The following B3GLCT variants were observed in gnomAD, a reference collection of about 807,000 sequenced individuals.
B3GLCT encodes the protein beta-1,3-glucosyltransferase.
A neutral mutation model predicts 63.4 loss-of-function variants in B3GLCT; 65 were observed. The observed-to-expected ratio is 1.03, with a 90% CI of 0.84 to 1.26. The LOEUF (loss-of-function observed/expected upper bound fraction) is 1.26. Among genes scored for constraint, B3GLCT ranks in the 50% most tolerant of loss-of-function variants. The pLI is 0.00. For missense variants in B3GLCT, 577 were observed against 604.8 expected, an observed-to-expected ratio of 0.95 and a Z score of 0.48; for synonymous variants, 233 against 219.2, an observed-to-expected ratio of 1.06 and a Z score of -0.55.
At chr13:31,288,803 G>A (rs1161278795) in intron 12 of B3GLCT, among the ~76,000 whole-genome samples, 1 of 151,990 alleles carries the variant, frequency 6.6e-6, no homozygotes, top group Non-Finnish European at 1.5e-5. Flanking sequence ...CAGATATGCA[G>A]ATATCAATGG....
Position 31,237,738 on chromosome 13 carries a change from C to T in B3GLCT, c.270+8444C>T, listed in dbSNP as rs529070493. ...CTGTGGGAGCTGAGAAAGGGAAAAA[C>T]TAAGAGGCATAAGTTGTTGGCGTCC... On this transcript the variant is annotated intron_variant, in intron 4 of 14. Coordinates refer to ENST00000343307, the MANE Select transcript of B3GLCT (RefSeq NM_194318.4). Among the ~76,000 whole-genome samples, 11 of 152,270 alleles carry T rather than the reference C, an allele frequency of 7.2e-5. No individual in the cohort carries two copies. The East Asian group carries it at 2.1e-3, about 29-fold the overall frequency.
chr13:31,316,427 ATAT>A (rs1593317451), intron 12 of B3GLCT, among the ~76,000 whole-genome samples: 1 of 115,152 alleles, frequency 8.7e-6, no homozygotes, highest in African/African-American at 3.2e-5. Context: ...ATATATATAT[ATAT>A]AAATTTTTTT....
intron 11 of B3GLCT, among the ~76,000 whole-genome samples, chr13:31,285,473 TTG>T (rs1226296696): frequency 6.6e-6 from 1 of 152,020 alleles, no homozygotes; most frequent in African/African-American, 2.4e-5. Context: ...TTTTAAAAAA[TTG>T]TGTCAAAAAA....
rs548799243 is a variant in B3GLCT, at chr13:31,325,978, T to C, written c.1329+2083T>C. Reference sequence around the variant, plus strand: ...AGGGAAAATCTAGTATTTCCCTTTGTTGAAAGCACAGCACCTAGAGCATAT... The same window carrying C: ...AGGGAAAATCTAGTATTTCCCTTTGCTGAAAGCACAGCACCTAGAGCATAT... On this transcript the variant is annotated intron_variant, in intron 14 of 14. Transcript: ENST00000343307. 6.6e-4 allele frequency among the ~76,000 whole-genome samples: 101 copies of C among 152,328 alleles called. 1 individual carries two copies. The highest frequency in any genetic ancestry group is 2.3e-3 in the African/African-American group (94 of 41,580).
intron 12 of B3GLCT, among the ~76,000 whole-genome samples, chr13:31,313,247 A>G (rs1420443663): frequency 3.3e-5 from 5 of 152,208 alleles, no homozygotes; most frequent in South Asian, 4.1e-4. Flanking sequence ...TAATGTTACT[A>G]TTGCTCTGTG....
In B3GLCT at chr13:31,282,629, G is replaced by A. The variant is rs976416290; in HGVS notation, c.851-2019G>A. Among the ~76,000 whole-genome samples the A allele has an allele frequency of 1.1e-4, 15 of 136,846 alleles. No individual in the cohort carries two copies. The East Asian group carries it at 2.4e-3, about 22-fold the overall frequency. 89.8% of individuals were successfully genotyped at this position (136,846 alleles called of 152,430 possible). On this transcript the variant is annotated intron_variant, in intron 10 of 14. Transcript: ENST00000343307. ...TGCACTCCAGCCTGGGCAACAGAGCGAGAGAGTGAGACTCTGTCTCAAAAA... is the reference window on the plus strand; with the variant it reads ...TGCACTCCAGCCTGGGCAACAGAGCAAGAGAGTGAGACTCTGTCTCAAAAA...
chr13:31,259,247 C>T (rs1427753902), intron 6 of B3GLCT, among the ~76,000 whole-genome samples: 1 of 152,152 alleles, frequency 6.6e-6, no homozygotes, highest in Non-Finnish European at 1.5e-5. Context: ...CTATTTTTCA[C>T]TTTTCTTGTT....
At chr13:31,226,468 T>C (rs1870107847) in intron 3 of B3GLCT, among the ~76,000 whole-genome samples, 1 of 152,236 alleles carries the variant, frequency 6.6e-6, no homozygotes, top group Non-Finnish European at 1.5e-5. Flanking sequence ...CTCTTTAATC[T>C]TGCAAATCCT....
At chr13:31,286,931 C>T in intron 12 of B3GLCT, 112 bp downstream of exon 12, 2 of 693,520 alleles carry the variant, frequency 2.9e-6, no homozygotes, top group African/African-American at 1.8e-5. Flanking sequence ...CGGGGTTTAC[C>T]CTTCTATCTG....
chr13:31,317,476 G>A (rs1875101997), intron 12 of B3GLCT, 90 bp from the exon 13 acceptor site: 1 of 1,439,732 alleles, frequency 6.9e-7, no homozygotes, highest in Admixed American at 1.7e-5. Context: ...GTATTACACA[G>A]TATACAGAGT....
chr13:31,241,836 C>T (rs1449606887), intron 4 of B3GLCT, among the ~76,000 whole-genome samples: 1 of 152,098 alleles, frequency 6.6e-6, no homozygotes, highest in African/African-American at 2.4e-5. Flanking sequence ...GAGCTACTCT[C>T]AGCTAAGATG....
In B3GLCT at chr13:31,232,263, A is replaced by T. The variant is rs111567634; in HGVS notation, c.270+2969A>T. ...GCATCGCTATAAAGAAATATCTGAG[A>T]CTGGGTCATTTATAAAGAAAAGAAG... On this transcript the variant is annotated intron_variant, in intron 4 of 14. Transcript: ENST00000343307. Among the ~76,000 whole-genome samples the T allele has an allele frequency of 8.2e-3, 1,252 of 152,252 alleles. 14 individuals are homozygous for T. Among genetic ancestry groups the T allele is most frequent in the Non-Finnish European group, 0.015 (992 of 68,022 alleles).
In B3GLCT at chr13:31,215,032, C is replaced by CTTT; in HGVS notation, c.71-7_71-5dup. On this transcript the variant is annotated intron_variant, in intron 1 of 14. Transcript: ENST00000343307. The stretch of plus-strand genomic sequence containing the variant: ...TGCTAATTCTAAGGTAGAAATATTT[C>CTTT]TTTTTTTTTTTTTTCCAGCTTTTGG... 1 of 1,256,056 alleles carries CTTT rather than the reference C, an allele frequency of 8.0e-7. No individual in the cohort carries two copies. The highest frequency in any genetic ancestry group is 2.0e-5 in the Admixed American group (1 of 49,344). 77.8% of individuals were successfully genotyped at this position (1,256,056 alleles called of 1,614,324 possible). A position where few individuals can be genotyped will look rare whatever the true frequency, so the allele number is the denominator to read the frequency against.
intron 6 of B3GLCT, among the ~76,000 whole-genome samples, chr13:31,249,192 T>C (rs560556857): frequency 1.3e-5 from 2 of 152,294 alleles, no homozygotes; most frequent in Admixed American, 6.5e-5. Flanking sequence ...GATTAATTTC[T>C]CCAACCCTGG....
At chr13:31,240,478 C>CTT (rs56020130) in intron 4 of B3GLCT, among the ~76,000 whole-genome samples, 11,539 of 138,790 alleles carry the variant, frequency 0.083, 576 homozygotes, top group Middle Eastern at 0.16. Context: ...TTTTTTTTTT[C>CTT]TTTTTTTTTT....
At chr13:31,246,692 C>T (rs1418943730) in intron 4 of B3GLCT, among the ~76,000 whole-genome samples, 1 of 152,208 alleles carries the variant, frequency 6.6e-6, no homozygotes, top group Non-Finnish European at 1.5e-5. Context: ...AGGCTCTTCC[C>T]TTCAAGTCAC....
At chr13:31,328,877 T>C (rs1875771819) in intron 14 of B3GLCT, among the ~76,000 whole-genome samples, 1 of 152,168 alleles carries the variant, frequency 6.6e-6, no homozygotes, top group Admixed American at 6.5e-5. Flanking sequence ...TTTTGCAATG[T>C]AGATAATATA....
chr13:31,254,933 A>T (rs1030197567), intron 6 of B3GLCT, among the ~76,000 whole-genome samples: 2 of 150,714 alleles, frequency 1.3e-5, no homozygotes, highest in East Asian at 2.0e-4. Context: ...GCTACTCGGG[A>T]GGCTGAGGCA....
intron 12 of B3GLCT, among the ~76,000 whole-genome samples, chr13:31,288,454 A>G (rs1019707043): frequency 6.6e-6 from 1 of 152,174 alleles, no homozygotes; most frequent in Admixed American, 6.5e-5. Context: ...AGCCATTCAG[A>G]ACTCTCTAAC....
Sources: gnomAD v4.1 joint callset for allele counts (sites outside exome capture counted in the v4.1 genomes callset) on GRCh38, gnomAD v4.1.1 for gene constraint, MANE v1.5 for transcripts, NCBI Gene and HGNC (gene_info 2026-07-23, HGNC 2026-07-21) for gene names.